The following USP34 variants were observed in gnomAD, a reference collection of about 807,000 sequenced individuals.
USP34 encodes the protein ubiquitin specific peptidase 34.
Under a neutral mutation model 460.3 loss-of-function variants are expected in USP34, and 70 were observed. That is an observed-to-expected ratio of 0.15 (90% CI 0.13 to 0.19). The LOEUF is 0.19. USP34 is among the 10% of genes least tolerant of loss of function. The probability of loss-of-function intolerance (pLI) is 1.00; values close to 1 mark genes in which losing one functional copy is unlikely to be tolerated. For missense variants in USP34, 3,985 were observed against 4,236.2 expected (o/e 0.94, Z 1.65); for synonymous variants, 1,647 against 1,405.3 (o/e 1.17, Z -3.85).
At chr2:61,383,909 A>G (rs1196200332) in intron 5 of USP34, among the ~76,000 whole-genome samples, 1 of 152,152 alleles carries the variant, frequency 6.6e-6, no homozygotes, top group African/African-American at 2.4e-5. Context: ...TTCTTGCTGA[A>G]AAGACAAAAC....
chr2:61,278,287 T>C lies in USP34; in HGVS notation c.5313-2A>G, dbSNP rs1243322193. On this transcript the variant is annotated splice_acceptor_variant, in intron 40 of 79. Transcript: ENST00000398571. LOFTEE classifies it high-confidence loss of function. ...TCCTGATGATCAAGGATCTCCCTACTACAAAAAAGAAAAAAAATACACACA... is the reference window on the plus strand; with the variant it reads ...TCCTGATGATCAAGGATCTCCCTACCACAAAAAAGAAAAAAAATACACACA... The C allele has an allele frequency of 5.0e-6, 8 of 1,612,444 alleles. No homozygotes were observed. Among genetic ancestry groups the C allele is most frequent in the Non-Finnish European group, 6.8e-6 (8 of 1,179,410 alleles).
Position 61,265,432 on chromosome 2 carries a change from T to C in USP34, c.5743A>G (p.Ile1915Val). 1 of 1,612,526 alleles carries C rather than the reference T, an allele frequency of 6.2e-7. No homozygotes were observed. The highest frequency in any genetic ancestry group is 8.5e-7 in the Non-Finnish European group (1 of 1,179,620). ...LASTIQQLYM[I>V]PEARQAVFTA... ...AAGACAGCCTGTCTTGCCTCAGGTA[T>C]CATATAAAGTTGCTGAATAGTAGAA... The change falls in exon 43 of 80, where the codon ATA (isoleucine) becomes GTA (valine). Residue 1915 changes from isoleucine to valine, a missense_variant. Physicochemically the swap from Ile to Val is conservative, Grantham distance 29. This residue lies in a region of USP34 where 145 missense variants were observed against 291.6 expected (regional missense o/e 0.50). Coordinates refer to ENST00000398571, the MANE Select transcript of USP34 (RefSeq NM_014709.4).
intron 51 of USP34, among the ~76,000 whole-genome samples, chr2:61,244,558 T>G (rs1572866435): frequency 6.7e-6 from 1 of 148,894 alleles, no homozygotes; most frequent in African/African-American, 2.5e-5. Context: ...GAGGTTGCAG[T>G]GAGCCGAGAT....
intron 6 of USP34, 44 bp downstream of exon 6, chr2:61,383,225 A>G (rs776028615): frequency 7.3e-7 from 1 of 1,365,992 alleles, no homozygotes; most frequent in Non-Finnish European, 1.0e-6. Context: ...TTGTTTAAAT[A>G]TATTACACTG....
chr2:61,308,434 G>C (rs1310675362), intron 27 of USP34, among the ~76,000 whole-genome samples: 2 of 152,008 alleles, frequency 1.3e-5, no homozygotes, highest in Non-Finnish European at 2.9e-5. Flanking sequence ...TCAGGAACTT[G>C]AGTTAAAACT....
intron 57 of USP34, among the ~76,000 whole-genome samples, chr2:61,234,161 C>G (rs900938628): frequency 6.6e-6 from 1 of 152,162 alleles, no homozygotes; most frequent in Non-Finnish European, 1.5e-5. Context: ...AAAAGTTACA[C>G]TTTAGTGTTT....
Position 61,246,367 on chromosome 2 carries a change from T to C in USP34, c.6505A>G (p.Ile2169Val). Reference protein sequence around the residue: ...TADGGHYYSFIRDIVNPHAYK... With the variant: ...TADGGHYYSFVRDIVNPHAYK... ...GCATGGGGATTTACTATATCTCTGATAAAGCTATAATAGTGTCCACCATCT... is the reference window on the plus strand; with the variant it reads ...GCATGGGGATTTACTATATCTCTGACAAAGCTATAATAGTGTCCACCATCT... The change falls in exon 50 of 80, where the codon ATC becomes GTC. Residue 2169 changes from isoleucine to valine, a missense_variant. By Grantham distance (29) the Ile-to-Val change is conservative. Around this residue, in one of 14 missense-constraint regions of USP34, gnomAD observed 70 missense variants for 78.1 expected, o/e 0.90. Coordinates refer to ENST00000398571, the MANE Select transcript of USP34 (RefSeq NM_014709.4). 1 of 1,600,860 alleles carries C rather than the reference T, an allele frequency of 6.2e-7. No homozygotes were observed. Among genetic ancestry groups the C allele is most frequent in the East Asian group, 2.3e-5 (1 of 44,312 alleles).
At chr2:61,235,785 G>A in intron 57 of USP34, 60 bp downstream of exon 57, 1 of 1,540,068 alleles carries the variant, frequency 6.5e-7, no homozygotes, top group South Asian at 1.2e-5. Flanking sequence ...TCTTAGATCA[G>A]AGGGGGGGAA....
intron 3 of USP34, among the ~76,000 whole-genome samples, chr2:61,398,507 A>AAGGAGGCGGAAGCG (rs1693609464): frequency 1.6e-4 from 16 of 102,806 alleles, no homozygotes; most frequent in Non-Finnish European, 2.2e-4. Flanking sequence ...AGGCGGAAGC[A>AAGGAGGCGGAAGCG]GGGGAAGGAG....
At chr2:61,263,086 G>A (rs752049793) in intron 43 of USP34, among the ~76,000 whole-genome samples, 1 of 151,230 alleles carries the variant, frequency 6.6e-6, no homozygotes, top group Admixed American at 6.6e-5. Flanking sequence ...TCGGCTCACT[G>A]CAACCTCCGC....
In USP34 at chr2:61,301,102, A is replaced by G; in HGVS notation, c.3977T>C (p.Leu1326Pro). ...AGGGGGTGGGAGGCAAGATGCTGGC[A>G]GCTGAACACCTTCCCCTTTCCGCTC... is the stretch of plus-strand genomic sequence containing the variant. ...RRERKGEGVQ[L>P]PASCLPPPQK... The change falls in exon 29 of 80, where the codon CTG (leucine) becomes CCG (proline). Residue 1326 changes from leucine (L) to proline (P), a missense_variant. Transcript: ENST00000398571. 2 of 1,614,138 alleles carry G rather than the reference A, an allele frequency of 1.2e-6. No individual in the cohort carries two copies. The highest frequency in any genetic ancestry group is 1.7e-6 in the Non-Finnish European group (2 of 1,180,024).
chr2:61,222,808 TGCCTCA>T, intron 64 of USP34, 145 bp from the exon 65 acceptor site: 4 of 766,928 alleles, frequency 5.2e-6, no homozygotes, highest in Non-Finnish European at 8.5e-6. Flanking sequence ...GCGATCCTCC[TGCCTCA>T]GCCTCCGAGT....
intron 10 of USP34, among the ~76,000 whole-genome samples, chr2:61,352,328 T>C (rs1691965221): frequency 6.6e-6 from 1 of 151,888 alleles, no homozygotes; most frequent in Non-Finnish European, 1.5e-5. Flanking sequence ...ATAGTATATG[T>C]ATATACTAAA....
At position 61,206,838 on chromosome 2, in the gene USP34, C is replaced by T; in HGVS notation, c.8968G>A (p.Val2990Met). The T allele has an allele frequency of 6.2e-7, 1 of 1,613,764 alleles. No individual in the cohort carries two copies. The highest frequency in any genetic ancestry group is 8.5e-7 in the Non-Finnish European group (1 of 1,179,766). The change falls in exon 71 of 80, where the codon GTG (valine) becomes ATG (methionine). Residue 2990 changes from valine (V) to methionine (M), a missense_variant. Around this residue, in one of 14 missense-constraint regions of USP34, gnomAD observed 275 missense variants for 292.7 expected, o/e 0.94. Transcript: ENST00000398571. ...AGAAGTTCTACTAAATCTCCAGTCA[C>T]ATGGCAAGCTGTAGCTTCGTGATAC... Reference protein sequence around the residue: ...MMYHEATACHVTGDLVELLSI... With the variant: ...MMYHEATACHMTGDLVELLSI...
At position 61,311,601 on chromosome 2, in the gene USP34, T is replaced by A. The variant is rs751408141; in HGVS notation, c.3756A>T (p.Gln1252His). 75 of 1,613,608 alleles carry A rather than the reference T, an allele frequency of 4.6e-5. No homozygotes were observed. The highest frequency in any genetic ancestry group is 1.5e-4 in the Admixed American group (9 of 59,968). ...CCTGAAGCTGAGCTTGTTGATTTAT[T>A]TGTTCTTTCTGTAAATTTTCATACC... is the stretch of plus-strand genomic sequence containing the variant. ...THWYENLQKE[Q>H]INQQAQLQEF... Residue 1252 changes from glutamine (Q) to histidine (H), a missense_variant, in exon 27 of 80, where the codon CAA becomes CAT. Transcript: ENST00000398571.
intron 10 of USP34, among the ~76,000 whole-genome samples, chr2:61,361,293 C>A (rs540206281): frequency 2.6e-5 from 4 of 152,146 alleles, no homozygotes; most frequent in South Asian, 2.1e-4. Context: ...TGGTGGCATG[C>A]TCTTGTAGTC....
intron 15 of USP34, among the ~76,000 whole-genome samples, chr2:61,347,091 G>A (rs570639211): frequency 1.3e-5 from 2 of 152,204 alleles, no homozygotes; most frequent in African/African-American, 4.8e-5. Flanking sequence ...AGTGAGCCTA[G>A]ATCGTGCCAC....
intron 44 of USP34, among the ~76,000 whole-genome samples, chr2:61,259,320 C>T (rs1688809339): frequency 6.6e-6 from 1 of 152,012 alleles, no homozygotes; most frequent in Admixed American, 6.6e-5. Context: ...TATGACAAAG[C>T]CAGTTCAAAC....
At chr2:61,329,548 G>C (rs942704071) in intron 20 of USP34, among the ~76,000 whole-genome samples, 2 of 152,100 alleles carry the variant, frequency 1.3e-5, no homozygotes, top group Non-Finnish European at 2.9e-5. Context: ...TGATAAGCTT[G>C]TAGAATAAAC....
Sources: gnomAD v4.1 joint callset for allele counts (sites outside exome capture counted in the v4.1 genomes callset) on GRCh38, gnomAD v4.1.1 for gene constraint, gnomAD v4.1.1 regional missense constraint, MANE v1.5 for transcripts, NCBI Gene and HGNC (gene_info 2026-07-23, HGNC 2026-07-21) for gene names.